TENM2: variants seen among roughly 807,000 people sequenced by gnomAD.
TENM2 encodes teneurin-2.
A neutral mutation model predicts 245.2 loss-of-function variants in TENM2; 52 were observed. The observed-to-expected ratio is 0.21, with a 90% CI of 0.17 to 0.27. The LOEUF is 0.27. Ranked by LOEUF, TENM2 falls within the 10% of genes least tolerant of loss-of-function variation. The pLI is 1.00. For missense variants in TENM2, 3,046 were observed against 3,666.8 expected (o/e 0.83, Z 4.37); for synonymous variants, 1,363 against 1,438.9 (o/e 0.95, Z 1.19).
intron 2 of TENM2, among the ~76,000 whole-genome samples, chr5:167,855,889 AGGAGGGAG>A (rs141440133): frequency 1.4e-5 from 1 of 71,170 alleles, no homozygotes; most frequent in African/African-American, 6.1e-5. Flanking sequence ...AAGGAAGGGA[AGGAGGGAG>A]GGAGGGAGGG....
At chr5:167,931,196 CCATGAAAAATCT>C (rs1778254674) in intron 3 of TENM2, among the ~76,000 whole-genome samples, 2 of 152,208 alleles carry the variant, frequency 1.3e-5, no homozygotes, top group South Asian at 4.2e-4. Context: ...AAAATGTTAT[CCATGAAAAATCT>C]CTAGGAAAAT....
intron 6 of TENM2, among the ~76,000 whole-genome samples, chr5:168,051,727 T>C (rs1186768643): frequency 2.6e-5 from 4 of 152,178 alleles, no homozygotes; most frequent in Non-Finnish European, 5.9e-5. Flanking sequence ...TGACTGTAAG[T>C]GGGTCATTTG....
At chr5:168,169,352 C>G (rs944541815) in intron 13 of TENM2, among the ~76,000 whole-genome samples, 1 of 152,216 alleles carries the variant, frequency 6.6e-6, no homozygotes, top group African/African-American at 2.4e-5. Context: ...CTACCTCCAT[C>G]TGCAAGGCTC....
chr5:168,154,222 CT>C lies in TENM2; in HGVS notation c.2423-8381del, dbSNP rs201595854. On this transcript the variant is annotated intron_variant, in intron 12 of 28. Coordinates refer to ENST00000518659, the Ensembl canonical transcript of TENM2. ...AAAGTAAGATACATCTTCCTTTCTC[CT>C]TTTTTTTGAGACAAAGTCTCGTTCT... Among the ~76,000 whole-genome samples the C allele has an allele frequency of 7.5e-3, 1,093 of 146,164 alleles. 18 individuals carry two copies. Among genetic ancestry groups the C allele is most frequent in the African/African-American group, 0.026 (1,026 of 40,054 alleles).
intron 2 of TENM2, among the ~76,000 whole-genome samples, chr5:167,829,350 C>A (rs1165505517): frequency 6.6e-6 from 1 of 152,210 alleles, no homozygotes; most frequent in Non-Finnish European, 1.5e-5. Context: ...ACTAAAACCC[C>A]TAGCACCACA....
At chr5:167,402,125 C>T (rs775302319) in intron 2 of TENM2, among the ~76,000 whole-genome samples, 3 of 152,014 alleles carry the variant, frequency 2.0e-5, no homozygotes, top group Non-Finnish European at 4.4e-5. Flanking sequence ...AATTTGAATC[C>T]CATCTCTTCT....
chr5:167,922,699 G>T (rs1485555250), intron 3 of TENM2, among the ~76,000 whole-genome samples: 1 of 152,162 alleles, frequency 6.6e-6, no homozygotes, highest in African/African-American at 2.4e-5. Flanking sequence ...TGCCCAGGAT[G>T]TTCCCTCCTC....
chr5:167,216,093 C>G, the TENM2 span, among the ~76,000 whole-genome samples: 1 of 152,188 alleles, frequency 6.6e-6, no homozygotes, highest in Non-Finnish European at 1.5e-5. Context: ...GTGTTACTTT[C>G]CTTCGTGATA....
chr5:167,344,510 G>GA lies in TENM2; in HGVS notation c.227-30679dup, dbSNP rs1191921666. 1.1e-3 allele frequency among the ~76,000 whole-genome samples: 167 copies of GA among 148,340 alleles called. 2 individuals are homozygous for GA. The highest frequency in any genetic ancestry group is 2.4e-3 in the African/African-American group (98 of 40,414). On this transcript the variant is annotated intron_variant, in intron 1 of 28. Transcript: ENST00000518659. ...CTAAGGAGAAATTAACTTATTTAAG[G>GA]AAAAAAAAATACACAGCTAACTAGG...
chr5:167,925,781 G>T (rs893025500), intron 3 of TENM2, among the ~76,000 whole-genome samples: 2 of 152,196 alleles, frequency 1.3e-5, no homozygotes, highest in Non-Finnish European at 2.9e-5. Flanking sequence ...GCCATGAGAA[G>T]TACAAGATCA....
At chr5:167,764,151 G>A (rs1249211304) in intron 2 of TENM2, among the ~76,000 whole-genome samples, 6 of 152,052 alleles carry the variant, frequency 3.9e-5, no homozygotes, top group Non-Finnish European at 8.8e-5. Context: ...AAAATATATT[G>A]TTAGGGATAA....
intron 2 of TENM2, among the ~76,000 whole-genome samples, chr5:167,402,241 T>C (rs1325867869): frequency 1.3e-5 from 2 of 152,142 alleles, no homozygotes; most frequent in African/African-American, 4.8e-5. Context: ...AAAAGGTTGT[T>C]GTGGGATTAT....
intron 2 of TENM2, among the ~76,000 whole-genome samples, chr5:167,819,220 T>C (rs1188979231): frequency 6.6e-6 from 1 of 152,164 alleles, no homozygotes; most frequent in African/African-American, 2.4e-5. Context: ...TCCGGGCTCT[T>C]TTCTACTGAC....
At chr5:167,149,609 C>T in the TENM2 span, among the ~76,000 whole-genome samples, 2 of 152,086 alleles carry the variant, frequency 1.3e-5, no homozygotes, top group African/African-American at 4.8e-5. Context: ...ATGGCCTCTC[C>T]GTGCCATATT....
chr5:167,914,804 C>G (rs1776806148), intron 3 of TENM2, among the ~76,000 whole-genome samples: 2 of 152,158 alleles, frequency 1.3e-5, no homozygotes, highest in Admixed American at 1.3e-4. Context: ...ACACCTCACT[C>G]TCTCTCTGCC....
chr5:167,482,131 C>A (rs970107869), intron 2 of TENM2, among the ~76,000 whole-genome samples: 1 of 152,134 alleles, frequency 6.6e-6, no homozygotes, highest in Non-Finnish European at 1.5e-5. Flanking sequence ...AATTTAAAAA[C>A]TGCTGCAGGA....
At chr5:167,944,883 G>A (rs1353011902) in intron 3 of TENM2, among the ~76,000 whole-genome samples, 1 of 152,220 alleles carries the variant, frequency 6.6e-6, no homozygotes, top group Non-Finnish European at 1.5e-5. Flanking sequence ...CAGGCAGCAA[G>A]TGCCAGGAAA....
the TENM2 span, among the ~76,000 whole-genome samples, chr5:167,062,875 G>A: frequency 1.3e-5 from 2 of 152,154 alleles, no homozygotes; most frequent in Non-Finnish European, 2.9e-5. Flanking sequence ...GAAGGAGAGA[G>A]AAGATCTAAA....
intron 1 of TENM2, among the ~76,000 whole-genome samples, chr5:167,363,735 A>AAAAG (rs1759855818): frequency 6.6e-6 from 1 of 150,602 alleles, no homozygotes; most frequent in Non-Finnish European, 1.5e-5. Context: ...CATCTCAAAA[A>AAAAG]AAAAAAAAAA....
Sources: gnomAD v4.1 joint callset for allele counts (sites outside exome capture counted in the v4.1 genomes callset) on GRCh38, gnomAD v4.1.1 for gene constraint, MANE v1.5 for transcripts, NCBI Gene and HGNC (gene_info 2026-07-23, HGNC 2026-07-21) for gene names.